The following RAB26 variants were observed in gnomAD, a reference collection of about 807,000 sequenced individuals.
RAB26 encodes the protein RAB26, member RAS oncogene family, also known as ras-related protein Rab-26.
A neutral mutation model predicts 33.1 loss-of-function variants in RAB26; 39 were observed. That is an observed-to-expected ratio of 1.18 (90% CI 0.91 to 1.54). The LOEUF is 1.54. Ranked by LOEUF, RAB26 falls within the 40% of genes most tolerant of loss-of-function variation. The pLI, the probability that RAB26 is intolerant of heterozygous loss-of-function variation, is 0.00. For missense variants in RAB26, 468 were observed against 362.9 expected (o/e 1.29, Z -2.35); for synonymous variants, 192 against 151.9 (o/e 1.26, Z -1.94).
At chr16:2,152,382 A>G (rs1156408744) in intron 5 of RAB26, among the ~76,000 whole-genome samples, 1 of 152,082 alleles carries the variant, frequency 6.6e-6, no homozygotes, top group African/African-American at 2.4e-5. Context: ...TCTCAAAAAA[A>G]TAAAATGGGC....
At chr16:2,149,920 C>G (rs1268807320) in intron 1 of RAB26, 21 bp from the exon 2 acceptor site, 2 of 1,506,680 alleles carry the variant, frequency 1.3e-6, no homozygotes, top group Admixed American at 4.5e-5. Context: ...AGACTCCCCC[C>G]AACCCTCCTG....
intron 2 of RAB26, 51 bp from the exon 3 acceptor site, chr16:2,151,518 C>G (rs1341751354): frequency 6.2e-7 from 1 of 1,612,296 alleles, no homozygotes; most frequent in South Asian, 1.1e-5. Context: ...CTAGTGGGAC[C>G]AGAGGCTGGG....
Position 2,153,342 on chromosome 16 carries a change from A to G in RAB26, c.692A>G (p.Lys231Arg). 1 of 1,613,470 alleles carries G rather than the reference A, an allele frequency of 6.2e-7. No homozygotes were observed. Among genetic ancestry groups the G allele is most frequent in the Non-Finnish European group, 8.5e-7 (1 of 1,180,018 alleles). ...IAKELKQRSM[K>R]APSEPRFRLH... ...AGGGAGTTGAAGCAGCGCTCCATGA[A>G]GGCTCCCAGCGAGCCGCGCTTCCGG... The change falls in exon 9 of 9, where the codon AAG becomes AGG. Residue 231 changes from lysine (K) to arginine (R), a missense_variant. Physicochemically the swap from Lys to Arg is conservative, Grantham distance 26. Coordinates refer to ENST00000210187, the MANE Select transcript of RAB26 (RefSeq NM_014353.5).
rs2093013601 is a variant in RAB26 at position 2,153,382 on chromosome 16, TAA to T, written c.733_734del (p.Lys245GlufsTer182). On this transcript the variant is annotated frameshift_variant, in exon 9 of 9. Coordinates refer to ENST00000210187, the MANE Select transcript of RAB26 (RefSeq NM_014353.5). LOFTEE classifies it high-confidence loss of function. Reference protein sequence around the residue: ...EPRFRLHDYVKREGRGASCCR... With the variant: ...EPRFRLHDYVXREGRGASCCR... Reference sequence around the variant, plus strand: ...CGCGCTTCCGGCTGCATGATTACGTTAAGAGGGAGGGTCGAGGGGCCTCCTGC... The same window carrying T: ...CGCGCTTCCGGCTGCATGATTACGTTGAGGGAGGGTCGAGGGGCCTCCTGC... 3 of 1,613,464 alleles carry T rather than the reference TAA, an allele frequency of 1.9e-6. No individual in the cohort carries two copies. Among genetic ancestry groups the T allele is most frequent in the Non-Finnish European group, 2.5e-6 (3 of 1,179,994 alleles).
Position 2,150,026 on chromosome 16 carries a change from T to C in RAB26, c.281T>C (p.Ile94Thr), listed in dbSNP as rs367802664. 43 of 1,544,464 alleles carry C rather than the reference T, an allele frequency of 2.8e-5. No individual in the cohort carries two copies. Among genetic ancestry groups the C allele is most frequent in the Non-Finnish European group, 3.8e-5 (43 of 1,143,700 alleles). Residue 94 changes from isoleucine (I) to threonine (T), a missense_variant, in exon 2 of 9, where the codon ATC (isoleucine) becomes ACC (threonine). Ile to Thr is a moderately conservative substitution (Grantham distance 89). Transcript: ENST00000210187. ...KDGAFLAGTF[I>T]STVGIDFRNK... Reference sequence around the variant, plus strand: ...GGTGCTTTCCTGGCGGGGACCTTCATCTCCACCGTAGGCATTGACTTCCGG... The same window carrying C: ...GGTGCTTTCCTGGCGGGGACCTTCACCTCCACCGTAGGCATTGACTTCCGG...
At position 2,153,726 on chromosome 16, in the gene RAB26, G is replaced by T; in HGVS notation, c.*305G>T. 1 of 572,512 alleles carries T rather than the reference G, an allele frequency of 1.7e-6. No individual in the cohort carries two copies. The allele number at this position is 572,512 out of a possible 1,614,324, so 35.5% of individuals were successfully genotyped here. ...CCCCTCCTGGGCACGTCCAGGTGAG[G>T]GAGGGCTGGGGCTGGCACCACGCAC... On this transcript the variant is annotated 3_prime_UTR_variant, in exon 9 of 9. Coordinates refer to ENST00000210187, the MANE Select transcript of RAB26 (RefSeq NM_014353.5).
At position 2,151,745 on chromosome 16, in the gene RAB26, C is replaced by T. The variant is rs771177096; in HGVS notation, c.399C>T (p.Tyr133=). The T allele has an allele frequency of 6.2e-7, 1 of 1,613,988 alleles. No individual in the cohort carries two copies. The highest frequency in any genetic ancestry group is 8.5e-7 in the Non-Finnish European group (1 of 1,180,026). Residue 133 remains tyrosine (Y), a synonymous_variant, in exon 4 of 9, where the codon TAC becomes TAT. Coordinates refer to ENST00000210187, the MANE Select transcript of RAB26 (RefSeq NM_014353.5). ...QERFRSVTHA[Y]YRDAHALLLL... ...GGTTCCGCAGTGTTACCCATGCCTA[C>T]TACCGGGATGCTCATGGTGAGCCCC... is the stretch of plus-strand genomic sequence containing the variant.
rs575477005 is a variant in RAB26 at position 2,153,543 on chromosome 16, G to A, written c.*122G>A. ...AACGCCCGAGTGTCTGTTTTCAGGA[G>A]CCCCAGGTCAAGCCTTGTCCCTTCC... On this transcript the variant is annotated 3_prime_UTR_variant, in exon 9 of 9. Transcript: ENST00000210187. 364 of 892,378 alleles carry A rather than the reference G, an allele frequency of 4.1e-4. 1 individual carries two copies. The highest frequency in any genetic ancestry group is 2.2e-3 in the South Asian group (137 of 63,242). 55.3% of individuals were successfully genotyped at this position (892,378 alleles called of 1,614,324 possible). A position where few individuals can be genotyped will look rare whatever the true frequency, so the allele number is the denominator to read the frequency against.
At chr16:2,149,163 T>TC (rs934153380) in intron 1 of RAB26, among the ~76,000 whole-genome samples, 185 bp downstream of exon 1, 2 of 151,974 alleles carry the variant, frequency 1.3e-5, no homozygotes, top group African/African-American at 4.8e-5. Flanking sequence ...GTCTGGGGTA[T>TC]CCAACAGCTG....
chr16:2,153,105 C>G, intron 7 of RAB26, 41 bp from the exon 8 acceptor site: 2 of 1,613,122 alleles, frequency 1.2e-6, no homozygotes, highest in Non-Finnish European at 1.7e-6. Context: ...CCTAGGCTGT[C>G]CCCGCCAGGC....
intron 2 of RAB26, among the ~76,000 whole-genome samples, chr16:2,150,976 C>T (rs2093002986): frequency 6.6e-6 from 1 of 152,260 alleles, no homozygotes; most frequent in Admixed American, 6.5e-5. Context: ...TAGACCACTC[C>T]CTGCCTTACG....
At chr16:2,150,329 T>G (rs2093000707) in intron 2 of RAB26, among the ~76,000 whole-genome samples, 1 of 152,112 alleles carries the variant, frequency 6.6e-6, no homozygotes, top group African/African-American at 2.4e-5. Flanking sequence ...AAGGGCCACG[T>G]CCACTTGGGG....
chr16:2,153,594 C>A lies in RAB26; in HGVS notation c.*173C>A. The A allele has an allele frequency of 1.5e-6, 1 of 677,726 alleles. No homozygotes were observed. The highest frequency in any genetic ancestry group is 2.6e-6 in the Non-Finnish European group (1 of 386,602). The allele number at this position is 677,726 out of a possible 1,614,324, so 42.0% of individuals were successfully genotyped here. ...TCCTCCCAGCAACAGTCCCAACAAG[C>A]AGGCTTCTGAGAGCCCGTGGCCGCA... On this transcript the variant is annotated 3_prime_UTR_variant, in exon 9 of 9. Coordinates refer to ENST00000210187, the MANE Select transcript of RAB26 (RefSeq NM_014353.5).
intron 8 of RAB26, 37 bp from the exon 9 acceptor site, chr16:2,153,282 C>A: frequency 6.2e-7 from 1 of 1,613,342 alleles, no homozygotes; most frequent in Non-Finnish European, 8.5e-7. Context: ...CATTAGAGTC[C>A]AGGCCATCGT....
In RAB26 at chr16:2,153,683, G is replaced by A. The variant is rs2093015045; in HGVS notation, c.*262G>A. The stretch of plus-strand genomic sequence containing the variant: ...GGGGAGCGGCAAGTGGACAGACTTT[G>A]CCACGGTGCTCTGCTGCCCCCTCCT... On this transcript the variant is annotated 3_prime_UTR_variant, in exon 9 of 9. Transcript: ENST00000210187. The A allele has an allele frequency of 1.6e-6, 1 of 633,822 alleles. No homozygotes were observed. The highest frequency in any genetic ancestry group is 1.5e-5 in the South Asian group (1 of 66,050). The allele number at this position is 633,822 out of a possible 1,614,324, so 39.3% of individuals were successfully genotyped here.
chr16:2,152,888 G>C lies in RAB26; in HGVS notation c.534+3G>C, dbSNP rs775066272. 1.2e-6 allele frequency: 2 copies of C among 1,604,144 alleles called. No homozygotes were observed. Among genetic ancestry groups the C allele is most frequent in the East Asian group, 4.5e-5 (2 of 44,712 alleles). ...CGCTCATGCTGCTGGGGAACAAGGT[G>C]GGAGGCCCGGCTGTCCTCACCTGGG... On this transcript the variant is annotated splice_donor_region_variant and intron_variant, in intron 6 of 8. Transcript: ENST00000210187.
rs1434419341 is a variant in RAB26 at position 2,154,011 on chromosome 16, A to C, written c.*590A>C. ...ATCACAGAAAACACCAGAAACAACA[A>C]CTGCCAGCCCGGCCTGGCCACAGGT... On this transcript the variant is annotated 3_prime_UTR_variant, in exon 9 of 9. Coordinates refer to ENST00000210187, the MANE Select transcript of RAB26 (RefSeq NM_014353.5). 5.6e-6 allele frequency: 2 copies of C among 357,798 alleles called. No individual in the cohort carries two copies. Among genetic ancestry groups the C allele is most frequent in the African/African-American group, 2.1e-5 (1 of 46,950 alleles). The allele number at this position is 357,798 out of a possible 1,614,324, so 22.2% of individuals were successfully genotyped here. A position where few individuals can be genotyped will look rare whatever the true frequency, so the allele number is the denominator to read the frequency against.
rs980360299 is a variant in RAB26 at position 2,149,055 on chromosome 16, G to A, written c.195+77G>A. 1.1e-5 allele frequency: 14 copies of A among 1,235,930 alleles called. No individual in the cohort carries two copies. The African/African-American group carries it at 2.2e-4, about 19-fold the overall frequency. The allele number at this position is 1,235,930 out of a possible 1,614,324, so 76.6% of individuals were successfully genotyped here. On this transcript the variant is annotated intron_variant, in intron 1 of 8. Transcript: ENST00000210187. ...GAGCCAAGGGTTGGGGGTCGGACAG[G>A]GGGTGCAGGGCCCGCGGCCCCAGGG...
rs573136070 is a variant in RAB26 at position 2,152,863 on chromosome 16, C to T, written c.512C>T (p.Ala171Val). ...EIHEYAQHDV[A>V]LMLLGNKVDS... ...CACGAGTACGCCCAGCACGACGTGG[C>T]GCTCATGCTGCTGGGGAACAAGGTG... Residue 171 changes from alanine to valine, a missense_variant, in exon 6 of 9, where the codon GCG becomes GTG. Physicochemically the swap from Ala to Val is moderately conservative, Grantham distance 64. Coordinates refer to ENST00000210187, the MANE Select transcript of RAB26 (RefSeq NM_014353.5). The T allele has an allele frequency of 1.0e-4, 168 of 1,607,552 alleles. 1 individual carries two copies. The South Asian group carries it at 1.7e-3, about 16-fold the overall frequency.
Sources: gnomAD v4.1 joint callset for allele counts (sites outside exome capture counted in the v4.1 genomes callset) on GRCh38, gnomAD v4.1.1 for gene constraint, MANE v1.5 for transcripts, NCBI Gene and HGNC (gene_info 2026-07-23, HGNC 2026-07-21) for gene names.